NDE1: variants seen among roughly 807,000 people sequenced by gnomAD.
NDE1 encodes nudE neurodevelopment protein 1, also known as nuclear distribution protein nudE homolog 1.
NDE1 carries 28 observed loss-of-function variants against 43.4 expected under a neutral mutation model. The ratio of observed to expected loss-of-function variants is 0.65; its 90% CI spans 0.48 to 0.89. NDE1 has a LOEUF of 0.89. Ranked by LOEUF, NDE1 falls within the 40% of genes least tolerant of loss-of-function variation. The pLI, the probability that NDE1 is intolerant of heterozygous loss-of-function variation, is 0.00. For missense variants in NDE1, 441 were observed against 434.1 expected (o/e 1.02, Z -0.14); for synonymous variants, 184 against 172.0 (o/e 1.07, Z -0.55).
chr16:15,649,773 T>C (rs1323499300), upstream of NDE1, among the ~76,000 whole-genome samples: 3 of 152,214 alleles, frequency 2.0e-5, no homozygotes, highest in Admixed American at 6.5e-5. Flanking sequence ...CTGGAGAAGA[T>C]AATGATGCTG....
intron 8 of NDE1, chr16:15,718,445 G>A: frequency 5.8e-6 from 9 of 1,554,520 alleles, no homozygotes; most frequent in Non-Finnish European, 7.8e-6. Context: ...GTTCCTGGGG[G>A]AAGGGCGGCC....
intron 5 of NDE1, among the ~76,000 whole-genome samples, chr16:15,689,023 T>G (rs2038595033): frequency 6.6e-6 from 1 of 152,114 alleles, no homozygotes; most frequent in Non-Finnish European, 1.5e-5. Context: ...AACGTCGATT[T>G]GCTTTCTAAT....
chr16:15,681,626 A>G (rs966588352), intron 4 of NDE1, among the ~76,000 whole-genome samples: 5 of 151,980 alleles, frequency 3.3e-5, no homozygotes, highest in Admixed American at 3.3e-4. Context: ...AGATTTTTAT[A>G]TATTTGTCTG....
chr16:15,697,082 T>C, intron 8 of NDE1: 1 of 979,084 alleles, frequency 1.0e-6, no homozygotes, highest in South Asian at 4.7e-5. Flanking sequence ...AGGGTCTCAC[T>C]CTGTCACCTA....
chr16:15,719,333 T>C, intron 8 of NDE1: 2 of 1,606,846 alleles, frequency 1.2e-6, no homozygotes, highest in South Asian at 1.1e-5. Flanking sequence ...GGAAGGCTGT[T>C]GTCTGCCAGG....
At chr16:15,719,089 C>T in intron 8 of NDE1, 2 of 871,440 alleles carry the variant, frequency 2.3e-6, no homozygotes, top group Non-Finnish European at 3.7e-6. Context: ...GATTGTGCCA[C>T]TGCCCTCCAG....
chr16:15,714,957 C>T lies in NDE1; in HGVS notation c.948-9234C>T. ...CACCTCGCGGCCCATGGCCTCGTTG[C>T]TCTCCGTGGCCTCATCCAGCTCCCG... On this transcript the variant is annotated intron_variant, in intron 8 of 8. Transcript: ENST00000396354. 1 of 1,614,142 alleles carries T rather than the reference C, an allele frequency of 6.2e-7. No homozygotes were observed. Among genetic ancestry groups the T allele is most frequent in the Non-Finnish European group, 8.5e-7 (1 of 1,180,048 alleles).
At chr16:15,685,786 G>A (rs867925275) in intron 4 of NDE1, among the ~76,000 whole-genome samples, 2 of 152,220 alleles carry the variant, frequency 1.3e-5, no homozygotes, top group Middle Eastern at 3.4e-3. Flanking sequence ...GAGGAGCTGG[G>A]TGTTAACTCC....
At chr16:15,685,679 A>C (rs2038402828) in intron 4 of NDE1, among the ~76,000 whole-genome samples, 1 of 152,192 alleles carries the variant, frequency 6.6e-6, no homozygotes, top group African/African-American at 2.4e-5. Flanking sequence ...GAACTGATGC[A>C]GCCATTAATC....
At chr16:15,659,425 CTTTTTTTT>C (rs35091023) in intron 1 of NDE1, among the ~76,000 whole-genome samples, 5 of 58,892 alleles carry the variant, frequency 8.5e-5, no homozygotes, top group African/African-American at 2.8e-4. Flanking sequence ...TGCACACAAT[CTTTTTTTT>C]TTTTTTTTTT....
intron 1 of NDE1, among the ~76,000 whole-genome samples, chr16:15,663,204 C>G (rs2037134623): frequency 6.6e-6 from 1 of 151,990 alleles, no homozygotes; most frequent in Non-Finnish European, 1.5e-5. Flanking sequence ...CCTTCTTCCC[C>G]TGCTCAATTA....
intron 4 of NDE1, among the ~76,000 whole-genome samples, chr16:15,682,073 G>A (rs576638199): frequency 9.9e-5 from 15 of 152,062 alleles, no homozygotes; most frequent in South Asian, 4.2e-4. Flanking sequence ...TGTACTAAAC[G>A]TGCATTGTTT....
rs1224192276 is a variant in NDE1 at position 15,702,360 on chromosome 16, C to T, written c.947+5500C>T. Among the ~76,000 whole-genome samples the T allele has an allele frequency of 2.6e-5, 4 of 152,116 alleles. No individual in the cohort carries two copies. In the East Asian group the frequency reaches 5.8e-4, roughly 22 times the overall value. ...AATATTCGGCAAGACCATATGTAGCCTGTAAAGGCTAAAATACTATCTGGC... is the reference window on the plus strand; with the variant it reads ...AATATTCGGCAAGACCATATGTAGCTTGTAAAGGCTAAAATACTATCTGGC... On this transcript the variant is annotated intron_variant, in intron 8 of 8. Coordinates refer to ENST00000396354, the MANE Select transcript of NDE1 (RefSeq NM_017668.3).
At chr16:15,677,107 G>A (rs72772006) in intron 3 of NDE1, among the ~76,000 whole-genome samples, 2,365 of 152,228 alleles carry the variant, frequency 0.016, 19 homozygotes, top group Non-Finnish European at 0.026. Flanking sequence ...CAGTTGGTCC[G>A]TTGTGCCTGC....
chr16:15,717,656 A>G (rs988399658), intron 8 of NDE1: 10 of 471,730 alleles, frequency 2.1e-5, no homozygotes, highest in African/African-American at 2.0e-4. Flanking sequence ...TTAGCCGGGC[A>G]GTGGTGGCAC....
intron 4 of NDE1, among the ~76,000 whole-genome samples, chr16:15,680,023 C>T (rs565631875): frequency 6.6e-6 from 1 of 152,302 alleles, no homozygotes; most frequent in African/African-American, 2.4e-5. Context: ...AGGTGATCTG[C>T]CTGCCTCGGT....
chr16:15,704,587 G>A (rs2039348608), intron 8 of NDE1, among the ~76,000 whole-genome samples: 1 of 152,156 alleles, frequency 6.6e-6, no homozygotes, highest in South Asian at 2.1e-4. Flanking sequence ...ACCCCCATTC[G>A]CCTTAGAGGT....
chr16:15,703,051 ATCT>A (rs1482425467), intron 8 of NDE1: 5 of 173,976 alleles, frequency 2.9e-5, no homozygotes, highest in Middle Eastern at 2.3e-3. Context: ...ACTTCAGAGA[ATCT>A]TTGGGACGAT....
chr16:15,676,956 C>T lies in NDE1; in HGVS notation c.238-845C>T, dbSNP rs149838912. 1.2e-4 allele frequency among the ~76,000 whole-genome samples: 19 copies of T among 152,200 alleles called. 1 individual carries two copies. In the South Asian group the frequency reaches 2.7e-3, roughly 22 times the overall value. ...TGTGGATGAGGCTTGGAGAGGTTTA[C>T]GTGGCTTGCTTTGGCTGTGGACACC... On this transcript the variant is annotated intron_variant, in intron 3 of 8. Coordinates refer to ENST00000396354, the MANE Select transcript of NDE1 (RefSeq NM_017668.3).
Sources: gnomAD v4.1 joint callset for allele counts (sites outside exome capture counted in the v4.1 genomes callset) on GRCh38, gnomAD v4.1.1 for gene constraint, MANE v1.5 for transcripts, NCBI Gene and HGNC (gene_info 2026-07-23, HGNC 2026-07-21) for gene names.